Variants in OSBPL8 observed in about 807,000 individuals in gnomAD.
OSBPL8 encodes oxysterol binding protein like 8.
A neutral mutation model predicts 125.5 loss-of-function variants in OSBPL8; 59 were observed. The observed-to-expected ratio is 0.47, with a 90% CI of 0.38 to 0.58. The LOEUF (loss-of-function observed/expected upper bound fraction) is 0.58, where lower values mean the gene tolerates loss of function less well. Among genes scored for constraint, OSBPL8 ranks in the 20% least tolerant of loss-of-function variants. The pLI is 0.00. For missense variants in OSBPL8, 758 were observed against 1,047.8 expected (o/e 0.72, Z 3.82); for synonymous variants, 330 against 338.9 (o/e 0.97, Z 0.29).
intron 4 of OSBPL8, among the ~76,000 whole-genome samples, chr12:76,415,430 T>G (rs1868517067): frequency 6.6e-6 from 1 of 152,028 alleles, no homozygotes; most frequent in African/African-American, 2.4e-5. Context: ...GTATTTTTAG[T>G]AAAGACGGGG....
chr12:76,477,667 C>T (rs1253612810), intron 2 of OSBPL8, among the ~76,000 whole-genome samples: 1 of 152,022 alleles, frequency 6.6e-6, no homozygotes, highest in Non-Finnish European at 1.5e-5. Context: ...TACGTAAAAA[C>T]TAAGTAAATC....
chr12:76,495,922 A>C (rs1183261171), intron 1 of OSBPL8, among the ~76,000 whole-genome samples: 3 of 152,142 alleles, frequency 2.0e-5, no homozygotes, highest in Non-Finnish European at 4.4e-5. Flanking sequence ...TATTAGAAAA[A>C]TGTTGGAGCT....
chr12:76,528,256 G>A (rs546947851), intron 1 of OSBPL8, among the ~76,000 whole-genome samples: 3 of 151,642 alleles, frequency 2.0e-5, no homozygotes, highest in Admixed American at 6.6e-5. Context: ...GGACCTGGGA[G>A]GCGGAGGCTG....
chr12:76,377,738 C>T (rs1565840679), intron 16 of OSBPL8, among the ~76,000 whole-genome samples: 1 of 152,102 alleles, frequency 6.6e-6, no homozygotes, highest in African/African-American at 2.4e-5. Flanking sequence ...TAAACTGATG[C>T]AAAATAGTTG....
chr12:76,464,053 G>A (rs1875076164), intron 2 of OSBPL8, among the ~76,000 whole-genome samples: 2 of 152,190 alleles, frequency 1.3e-5, no homozygotes, highest in Admixed American at 1.3e-4. Context: ...GTTCTTCTTG[G>A]TTTTTGTTAA....
intron 1 of OSBPL8, chr12:76,534,117 G>A (rs1950425574): frequency 6.6e-6 from 1 of 152,144 alleles, no homozygotes; most frequent in Admixed American, 6.5e-5. Flanking sequence ...TTTTTTAAAT[G>A]TCCATTTATA....
In OSBPL8 at chr12:76,559,417, G is replaced by A. The variant is rs1460175155; in HGVS notation, c.-88C>T. 6.6e-6 allele frequency: 1 copy of A among 152,432 alleles called. No homozygotes were observed. Among genetic ancestry groups the A allele is most frequent in the East Asian group, 1.9e-4 (1 of 5,182 alleles). The allele number at this position is 152,432 out of a possible 1,614,324, so 9.4% of individuals were successfully genotyped here. ...CTCACCCGTGCGGAGCTCCCAGGGAGGCGGGACGCAAGGAGCCGGTTCCTC... is the reference window on the plus strand; with the variant it reads ...CTCACCCGTGCGGAGCTCCCAGGGAAGCGGGACGCAAGGAGCCGGTTCCTC... On this transcript the variant is annotated 5_prime_UTR_variant, in exon 1 of 24. Coordinates refer to ENST00000261183, the MANE Select transcript of OSBPL8 (RefSeq NM_020841.5).
rs1878284413 is a variant in OSBPL8 at position 76,487,539 on chromosome 12, A to G, written c.13T>C (p.Leu5=). Residue 5 remains leucine, a synonymous_variant, in exon 2 of 24, where the codon TTG becomes CTG. Coordinates refer to ENST00000261183, the MANE Select transcript of OSBPL8 (RefSeq NM_020841.5). MEGG[L]ADGEPDRTSL... ...GTTCGATCAGGTTCTCCATCTGCCA[A>G]ACCTCCCTCCATAATGAAAGAAGAT... is the stretch of plus-strand genomic sequence containing the variant. 1 of 1,605,258 alleles carries G rather than the reference A, an allele frequency of 6.2e-7. No individual in the cohort carries two copies. Among genetic ancestry groups the G allele is most frequent in the African/African-American group, 1.3e-5 (1 of 74,358 alleles).
intron 4 of OSBPL8, among the ~76,000 whole-genome samples, chr12:76,433,560 T>C (rs1871101374): frequency 6.6e-6 from 1 of 152,066 alleles, no homozygotes; most frequent in African/African-American, 2.4e-5. Context: ...CACAGATAAA[T>C]GGAAAGACAT....
chr12:76,358,947 A>C, intron 21 of OSBPL8, 136 bp from the exon 22 acceptor site: 1 of 665,882 alleles, frequency 1.5e-6, no homozygotes, highest in Non-Finnish European at 2.6e-6. Flanking sequence ...GTCTAATTCA[A>C]ATTTAACAAA....
chr12:76,542,349 C>T (rs1950669747), intron 1 of OSBPL8, among the ~76,000 whole-genome samples: 1 of 152,210 alleles, frequency 6.6e-6, no homozygotes, highest in South Asian at 2.1e-4. Context: ...CTCTTCATCA[C>T]ACTCTCCACT....
intron 1 of OSBPL8, among the ~76,000 whole-genome samples, chr12:76,515,662 G>GT (rs987795210): frequency 5.3e-5 from 8 of 152,182 alleles, no homozygotes; most frequent in Admixed American, 3.9e-4. Flanking sequence ...TAATCTCAGT[G>GT]TTTATGTTCC....
At chr12:76,429,414 T>C (rs967417672) in intron 4 of OSBPL8, among the ~76,000 whole-genome samples, 5 of 151,952 alleles carry the variant, frequency 3.3e-5, no homozygotes, top group African/African-American at 1.2e-4. Flanking sequence ...AATGAGTACA[T>C]GTTCATTATA....
intron 4 of OSBPL8, among the ~76,000 whole-genome samples, chr12:76,433,531 T>C (rs779206783): frequency 1.6e-4 from 24 of 151,884 alleles, no homozygotes; most frequent in Admixed American, 1.4e-3. Flanking sequence ...TTAATAGTGA[T>C]GAAGGAAATG....
chr12:76,364,573 A>C (rs1029928426), intron 21 of OSBPL8, among the ~76,000 whole-genome samples: 1 of 152,202 alleles, frequency 6.6e-6, no homozygotes, highest in African/African-American at 2.4e-5. Flanking sequence ...TGGGTGCAGC[A>C]AACCACCATG....
In OSBPL8 at chr12:76,507,509, C is replaced by T. The variant is rs374315982; in HGVS notation, c.-67-19891G>A. On this transcript the variant is annotated intron_variant, in intron 1 of 23. Transcript: ENST00000261183. ...TCTGTTTTATTACACTCATATGTAA[C>T]AAAAAAAGGATTCTCAGAAGCAAAA... Among the ~76,000 whole-genome samples, 79 of 151,566 alleles carry T rather than the reference C, an allele frequency of 5.2e-4. 5 individuals carry two copies. The highest frequency in any genetic ancestry group is 1.9e-3 in the African/African-American group (78 of 41,030).
chr12:76,373,074 T>C (rs1952680290), intron 18 of OSBPL8, among the ~76,000 whole-genome samples: 1 of 152,202 alleles, frequency 6.6e-6, no homozygotes, highest in South Asian at 2.1e-4. Context: ...AAATATTAAA[T>C]CAGTTAATAT....
At chr12:76,493,404 G>C (rs780367139) in intron 1 of OSBPL8, among the ~76,000 whole-genome samples, 10 of 152,078 alleles carry the variant, frequency 6.6e-5, no homozygotes, top group Non-Finnish European at 1.3e-4. Context: ...TTTTTGTAAG[G>C]CAGGTTTACT....
intron 4 of OSBPL8, among the ~76,000 whole-genome samples, chr12:76,427,930 T>A (rs567759990): frequency 2.6e-5 from 4 of 152,010 alleles, no homozygotes; most frequent in African/African-American, 9.7e-5. Flanking sequence ...ATAGAAAATA[T>A]CAAAGTGCAT....
Sources: gnomAD v4.1 joint callset for allele counts (sites outside exome capture counted in the v4.1 genomes callset) on GRCh38, gnomAD v4.1.1 for gene constraint, MANE v1.5 for transcripts, NCBI Gene and HGNC (gene_info 2026-07-23, HGNC 2026-07-21) for gene names.